The following DNAH8 variants were observed in gnomAD, a reference collection of about 807,000 sequenced individuals.
DNAH8 encodes dynein axonemal heavy chain 8, also known as axonemal beta dynein heavy chain 8.
In DNAH8, 382 loss-of-function variants were observed where a neutral mutation model predicts 562.1. The ratio of observed to expected loss-of-function variants is 0.68; its 90% CI spans 0.63 to 0.74. The LOEUF (loss-of-function observed/expected upper bound fraction) is 0.74, where lower values mean the gene tolerates loss of function less well. DNAH8 is among the 30% of genes least tolerant of loss of function. The pLI is 0.00. For synonymous variants in DNAH8, 1,881 were observed against 1,919.4 expected (o/e 0.98, Z 0.52); for missense variants, 5,203 against 5,620.4 (o/e 0.93, Z 2.37).
At chr6:38,766,465 G>C (rs1192907549) in intron 11 of DNAH8, among the ~76,000 whole-genome samples, 1 of 152,098 alleles carries the variant, frequency 6.6e-6, no homozygotes, top group African/African-American at 2.4e-5. Flanking sequence ...TGTACTGTAT[G>C]ATGACTATAG....
At chr6:38,859,321 G>A (rs1192307991) in intron 42 of DNAH8, among the ~76,000 whole-genome samples, 3 of 152,164 alleles carry the variant, frequency 2.0e-5, no homozygotes, top group Non-Finnish European at 2.9e-5. Context: ...TCAAGATGAT[G>A]AATACAAACT....
chr6:38,951,371 C>G lies in DNAH8; in HGVS notation c.12302C>G (p.Ser4101Cys). The change falls in exon 82 of 93, where the codon TCT becomes TGT. Residue 4101 changes from serine to cysteine, a missense_variant. Ser to Cys is a moderately radical substitution (Grantham distance 112). Transcript: ENST00000327475. ...VFQARKYIAD[S>C]LEEKYTEPVI... ...CAAGCAAGAAAGTATATTGCAGATT[C>G]TTTGGAGGAGAAGTACACAGAACCA... is the stretch of plus-strand genomic sequence containing the variant. 2 of 1,614,100 alleles carry G rather than the reference C, an allele frequency of 1.2e-6. No homozygotes were observed. The highest frequency in any genetic ancestry group is 1.7e-6 in the Non-Finnish European group (2 of 1,180,010).
intron 26 of DNAH8, among the ~76,000 whole-genome samples, chr6:38,821,403 T>C (rs1446719782): frequency 6.6e-6 from 1 of 152,232 alleles, no homozygotes; most frequent in Non-Finnish European, 1.5e-5. Flanking sequence ...CAAATTGATC[T>C]ACAGATTTTA....
intron 88 of DNAH8, among the ~76,000 whole-genome samples, chr6:38,996,096 C>T (rs970179717): frequency 6.6e-6 from 1 of 152,146 alleles, no homozygotes. Context: ...GTGGCAAAAT[C>T]ACACTGTGAC....
Position 38,741,896 on chromosome 6 carries a change from C to CT in DNAH8, c.1293+14dup. On this transcript the variant is annotated intron_variant, in intron 8 of 92. Transcript: ENST00000327475. ...ACTCCAAACTGCTAAAGGTAAAAGG[C>CT]TTTTTATTTAAAGTTTGGTATACTT... 6.2e-7 allele frequency: 1 copy of CT among 1,600,772 alleles called. No individual in the cohort carries two copies. The highest frequency in any genetic ancestry group is 8.5e-7 in the Non-Finnish European group (1 of 1,175,084).
intron 87 of DNAH8, among the ~76,000 whole-genome samples, chr6:38,988,012 C>T (rs1764516010): frequency 6.6e-6 from 1 of 152,202 alleles, no homozygotes; most frequent in Admixed American, 6.5e-5. Context: ...TGACCAGCCA[C>T]CTGCCTGCAC....
At chr6:38,865,348 T>C (rs888059045) in intron 45 of DNAH8, among the ~76,000 whole-genome samples, 1 of 152,192 alleles carries the variant, frequency 6.6e-6, no homozygotes, top group Non-Finnish European at 1.5e-5. Context: ...GGAAGTGGGA[T>C]GAAGAAATGT....
At chr6:38,830,634 C>CA (rs56761180) in intron 30 of DNAH8, among the ~76,000 whole-genome samples, 1,088 of 90,156 alleles carry the variant, frequency 0.012, 15 homozygotes, top group Non-Finnish European at 0.014. Flanking sequence ...GACTCTATCT[C>CA]AAAAAAAAAA....
At chr6:38,806,839 G>C (rs986756859) in intron 23 of DNAH8, among the ~76,000 whole-genome samples, 1 of 152,078 alleles carries the variant, frequency 6.6e-6, no homozygotes, top group African/African-American at 2.4e-5. Flanking sequence ...GCTTTAGCTT[G>C]ATAGTTCACT....
At chr6:38,917,892 C>T in intron 69 of DNAH8, 33 bp from the exon 70 acceptor site, 13 of 1,502,708 alleles carry the variant, frequency 8.7e-6, no homozygotes, top group Non-Finnish European at 1.2e-5. Flanking sequence ...GTATTTTCTT[C>T]CAGAACTTAC....
intron 79 of DNAH8, among the ~76,000 whole-genome samples, 184 bp from the exon 80 acceptor site, chr6:38,945,283 A>G (rs1761307136): frequency 6.6e-6 from 1 of 152,198 alleles, no homozygotes; most frequent in Admixed American, 6.5e-5. Flanking sequence ...TAAATCAGTA[A>G]ATAAAACACT....
At chr6:38,747,384 CTTTTTTTTTTTTTTT>C (rs55729629) in intron 8 of DNAH8, among the ~76,000 whole-genome samples, 1 of 113,778 alleles carries the variant, frequency 8.8e-6, no homozygotes, top group Non-Finnish European at 1.7e-5. Context: ...TTTTCTTTTT[CTTTTTTTTTTTTTTT>C]TTTTTGAGGC....
At chr6:38,891,711 C>G (rs17632805) in intron 58 of DNAH8, among the ~76,000 whole-genome samples, 18,518 of 152,224 alleles carry the variant, frequency 0.12, 1,402 homozygotes, top group Admixed American at 0.21. Flanking sequence ...AGATAGTTTT[C>G]CGTGGTAAGA....
chr6:38,782,817 A>G (rs1768769462), intron 16 of DNAH8, among the ~76,000 whole-genome samples, 187 bp from the exon 17 acceptor site: 1 of 151,994 alleles, frequency 6.6e-6, no homozygotes, highest in Admixed American at 6.6e-5. Context: ...CCCTCTATAT[A>G]CTGATAACGT....
At chr6:38,952,149 A>T (rs1158724736) in intron 82 of DNAH8, among the ~76,000 whole-genome samples, 1 of 152,194 alleles carries the variant, frequency 6.6e-6, no homozygotes, top group African/African-American at 2.4e-5. Flanking sequence ...CATCACATTG[A>T]TGATATTTGA....
At chr6:39,015,026 G>C (rs1003693702) in intron 91 of DNAH8, among the ~76,000 whole-genome samples, 2 of 152,156 alleles carry the variant, frequency 1.3e-5, no homozygotes, top group Non-Finnish European at 2.9e-5. Context: ...GACAATGTAG[G>C]CTGGAGGCAA....
At chr6:38,795,322 G>A (rs569682398) in intron 21 of DNAH8, among the ~76,000 whole-genome samples, 3 of 152,186 alleles carry the variant, frequency 2.0e-5, no homozygotes, top group South Asian at 4.1e-4. Context: ...GCTCACGCCC[G>A]TAATCCCAGC....
intron 85 of DNAH8, among the ~76,000 whole-genome samples, chr6:38,976,964 T>C (rs1763716634): frequency 6.6e-6 from 1 of 152,200 alleles, no homozygotes; most frequent in Non-Finnish European, 1.5e-5. Context: ...AATAGCCAAC[T>C]CCCTGCCTGC....
At chr6:38,868,244 T>A in intron 48 of DNAH8, 48 bp downstream of exon 48, 1 of 1,558,556 alleles carries the variant, frequency 6.4e-7, no homozygotes, top group Non-Finnish European at 8.7e-7. Context: ...ATATTGTTTC[T>A]TTCTATTTGG....
Sources: gnomAD v4.1 joint callset for allele counts (sites outside exome capture counted in the v4.1 genomes callset) on GRCh38, gnomAD v4.1.1 for gene constraint, MANE v1.5 for transcripts, NCBI Gene and HGNC (gene_info 2026-07-23, HGNC 2026-07-21) for gene names.